The following ANKRD36 variants were observed in gnomAD, a reference collection of about 807,000 sequenced individuals.
The protein encoded by ANKRD36 is ankyrin repeat domain 36.
Under a neutral mutation model 278.1 loss-of-function variants are expected in ANKRD36, and 179 were observed. The ratio of observed to expected loss-of-function variants is 0.64; its 90% confidence interval spans 0.57 to 0.73. The LOEUF (loss-of-function observed/expected upper bound fraction) is 0.73. Ranked by LOEUF, ANKRD36 falls within the 30% of genes least tolerant of loss-of-function variation. ANKRD36 has a pLI of 0.00. For synonymous variants in ANKRD36, 320 were observed against 641.1 expected, an observed-to-expected ratio of 0.50 and a Z score of 7.57; for missense variants, 1,159 against 1,956.7, an observed-to-expected ratio of 0.59 and a Z score of 7.69.
intron 22 of ANKRD36, among the ~76,000 whole-genome samples, chr2:97,174,413 C>T (rs1165953095): frequency 6.6e-6 from 1 of 151,526 alleles, no homozygotes; most frequent in Non-Finnish European, 1.5e-5. Context: ...CACAGTGACT[C>T]ATTGCTCCTC....
intron 6 of ANKRD36, among the ~76,000 whole-genome samples, chr2:97,138,410 A>G (rs2042068415): frequency 6.6e-6 from 1 of 152,072 alleles, no homozygotes; most frequent in Admixed American, 6.6e-5. Context: ...AAGGAGAACT[A>G]CAAACCACCA....
intron 6 of ANKRD36, among the ~76,000 whole-genome samples, chr2:97,132,065 G>C (rs1293883440): frequency 2.0e-5 from 3 of 151,858 alleles, no homozygotes; most frequent in African/African-American, 7.3e-5. Context: ...CTGACCTTGT[G>C]ATCTGCCCGC....
chr2:97,230,532 C>T (rs1463467947), intron 67 of ANKRD36, among the ~76,000 whole-genome samples: 1 of 152,070 alleles, frequency 6.6e-6, no homozygotes, highest in Non-Finnish European at 1.5e-5. Context: ...TCTAGGTATA[C>T]ATTCGTCTAA....
At chr2:97,125,387 T>G (rs1047859559) in intron 5 of ANKRD36, among the ~76,000 whole-genome samples, 10 of 127,784 alleles carry the variant, frequency 7.8e-5, no homozygotes, top group Admixed American at 6.7e-4. Context: ...CGGAGCAAAT[T>G]GACACTTTCA....
At chr2:97,178,074 A>G (rs1163855364) in intron 22 of ANKRD36, among the ~76,000 whole-genome samples, 11 of 150,774 alleles carry the variant, frequency 7.3e-5, no homozygotes, top group East Asian at 2.0e-4. Context: ...AACACATGAA[A>G]AAATGCTCAT....
In ANKRD36 at chr2:97,208,024, T is replaced by A. The variant is rs1477809491; in HGVS notation, c.3265+18T>A. On this transcript the variant is annotated intron_variant, in intron 54 of 75. Transcript: ENST00000420699. ...TAAGAGAGGTAATTTTGAAAAGAGA[T>A]TTAATGTCATGTTCAGTGCAGATAG... The A allele has an allele frequency of 2.7e-6, 4 of 1,506,198 alleles. No homozygotes were observed. Among genetic ancestry groups the A allele is most frequent in the Non-Finnish European group, 3.6e-6 (4 of 1,120,540 alleles). The allele number at this position is 1,506,198 out of a possible 1,614,324, so 93.3% of individuals were successfully genotyped here.
intron 22 of ANKRD36, among the ~76,000 whole-genome samples, chr2:97,179,316 G>A (rs2055407446): frequency 6.6e-6 from 1 of 151,566 alleles, no homozygotes; most frequent in Non-Finnish European, 1.5e-5. Context: ...ATGAATGTTT[G>A]CAGTAAAATG....
At chr2:97,165,246 G>A (rs2050315948) in intron 20 of ANKRD36, among the ~76,000 whole-genome samples, 1 of 152,010 alleles carries the variant, frequency 6.6e-6, no homozygotes, top group African/African-American at 2.4e-5. Flanking sequence ...GCTGCAACTC[G>A]GCTTTTGTAA....
At chr2:97,163,410 A>G (rs953382565) in intron 18 of ANKRD36, 2 of 378,496 alleles carry the variant, frequency 5.3e-6, no homozygotes. Flanking sequence ...GCATAAGTGA[A>G]TGAAAAGATG....
chr2:97,214,402 G>A (rs1395458268), intron 60 of ANKRD36, among the ~76,000 whole-genome samples: 5 of 147,802 alleles, frequency 3.4e-5, no homozygotes, highest in African/African-American at 1.3e-4. Flanking sequence ...GATAAAATAG[G>A]TATTTAATGA....
chr2:97,223,098 C>CTTTTTTTTT (rs58708702), intron 66 of ANKRD36, among the ~76,000 whole-genome samples: 2 of 123,996 alleles, frequency 1.6e-5, no homozygotes, highest in African/African-American at 6.5e-5. Context: ...TTATTATACA[C>CTTTTTTTTT]TTTTTTTTTT....
rs894692047 is a variant in ANKRD36, at chr2:97,131,275, A to C, written c.799+4141A>C. On this transcript the variant is annotated intron_variant, in intron 6 of 75. Transcript: ENST00000420699. ...TGTGATCATAGCTCACTGCAGCCTC[A>C]AACTTCTGGGTTCAGGTGGTCCTCC... Among the ~76,000 whole-genome samples, 5 of 151,574 alleles carry C rather than the reference A, an allele frequency of 3.3e-5. No homozygotes were observed. The Admixed American group carries it at 3.3e-4, about 10-fold the overall frequency.
At chr2:97,175,370 T>C (rs1217908919) in intron 22 of ANKRD36, among the ~76,000 whole-genome samples, 1 of 151,576 alleles carries the variant, frequency 6.6e-6, no homozygotes, top group Non-Finnish European at 1.5e-5. Context: ...TGTATGTGTC[T>C]AGGAATTTAT....
At chr2:97,203,349 T>A (rs1344939704) in intron 48 of ANKRD36, among the ~76,000 whole-genome samples, 1 of 151,838 alleles carries the variant, frequency 6.6e-6, no homozygotes, top group Non-Finnish European at 1.5e-5. Flanking sequence ...ACTTTGTATG[T>A]GTATGTCAAA....
At chr2:97,116,739 T>G (rs895387309) in intron 1 of ANKRD36, among the ~76,000 whole-genome samples, 2 of 152,134 alleles carry the variant, frequency 1.3e-5, no homozygotes, top group African/African-American at 2.4e-5. Flanking sequence ...AATTTTAAAT[T>G]AATTATTTTA....
rs201823861 is a variant in ANKRD36, at chr2:97,144,199, C to T, written c.902-319C>T. 2.8e-3 allele frequency among the ~76,000 whole-genome samples: 422 copies of T among 149,784 alleles called. 1 individual carries two copies. Among genetic ancestry groups the T allele is most frequent in the African/African-American group, 9.7e-3 (394 of 40,680 alleles). ...GACATTGATTCCCAAGTGTATGAGT[C>T]ACTGCTCTGATTTTAGATCACATTT... On this transcript the variant is annotated intron_variant, in intron 8 of 75. Transcript: ENST00000420699.
intron 20 of ANKRD36, among the ~76,000 whole-genome samples, chr2:97,166,852 T>A (rs977692074): frequency 0.013 from 1,748 of 131,598 alleles, no homozygotes; most frequent in South Asian, 0.022. Flanking sequence ...AATCAAGAAA[T>A]ATATTTCTTA....
rs866207538 is a variant in ANKRD36, at chr2:97,113,193, T to C, written c.-547T>C. Among the ~76,000 whole-genome samples the C allele has an allele frequency of 6.6e-6, 1 of 151,914 alleles. No homozygotes were observed. The highest frequency in any genetic ancestry group is 1.5e-5 in the Non-Finnish European group (1 of 67,960). ...GCAGTGCCGCCTACAAGTGGTGCGC[T>C]GGCTGCAGCTGTGGCAACCCCGGAT... On this transcript the variant is annotated 5_prime_UTR_variant, in exon 1 of 76. Coordinates refer to ENST00000420699, the MANE Select transcript of ANKRD36 (RefSeq NM_001354587.1).
intron 3 of ANKRD36, 126 bp from the exon 4 acceptor site, chr2:97,122,761 G>A (rs2037240889): frequency 1.6e-5 from 13 of 804,950 alleles, no homozygotes; most frequent in Non-Finnish European, 2.3e-5. Flanking sequence ...GAAAAGAAAG[G>A]GACTACCTCT....
Sources: allele counts gnomAD v4.1 joint callset (sites outside exome capture counted in the v4.1 genomes callset), GRCh38; gene constraint gnomAD v4.1.1; transcripts MANE v1.5; gene names NCBI Gene and HGNC (gene_info 2026-07-23, HGNC 2026-07-21).